Variants in UPP2 observed in about 807,000 individuals in gnomAD.
UPP2 encodes the protein uridine phosphorylase 2.
In UPP2, 23 loss-of-function variants were observed where a neutral mutation model predicts 26.7. The ratio of observed to expected loss-of-function variants is 0.86; its 90% CI spans 0.62 to 1.22. The LOEUF is 1.22. Among genes scored for constraint, UPP2 ranks in the 50% most tolerant of loss-of-function variants. The probability of loss-of-function intolerance (pLI) is 0.00; values close to 1 mark genes in which losing one functional copy is unlikely to be tolerated. For synonymous variants in UPP2, 127 were observed against 141.3 expected (o/e 0.90, Z 0.72); for missense variants, 387 against 396.7 (o/e 0.98, Z 0.21).
At chr2:158,060,945 G>T (rs1682342942) in intron 3 of UPP2, among the ~76,000 whole-genome samples, 1 of 152,186 alleles carries the variant, frequency 6.6e-6, no homozygotes, top group Admixed American at 6.5e-5. Flanking sequence ...TGGCATTTTA[G>T]TATGGCAGCC....
At chr2:158,090,626 G>T (rs958443008) in intron 3 of UPP2, among the ~76,000 whole-genome samples, 1 of 152,042 alleles carries the variant, frequency 6.6e-6, no homozygotes, top group African/African-American at 2.4e-5. Context: ...CTAATTTTTT[G>T]CAATATTATT....
At chr2:158,125,949 A>C (rs1422135900) in intron 6 of UPP2, among the ~76,000 whole-genome samples, 1 of 152,172 alleles carries the variant, frequency 6.6e-6, no homozygotes, top group Non-Finnish European at 1.5e-5. Flanking sequence ...AGTGTAACAT[A>C]ATTTGTTAAC....
chr2:158,068,559 G>A (rs1682474445), intron 3 of UPP2, among the ~76,000 whole-genome samples: 1 of 151,532 alleles, frequency 6.6e-6, no homozygotes, highest in Non-Finnish European at 1.5e-5. Context: ...AGAGACGGGG[G>A]CAGGGGCAGA....
chr2:158,125,417 A>G (rs1177802114), intron 6 of UPP2, among the ~76,000 whole-genome samples: 1 of 141,132 alleles, frequency 7.1e-6, no homozygotes, highest in African/African-American at 2.8e-5. Context: ...GCATTTTTGT[A>G]CTCTTTTTTT....
intron 4 of UPP2, among the ~76,000 whole-genome samples, chr2:158,120,886 GC>G (rs1683550991): frequency 6.6e-6 from 1 of 151,956 alleles, no homozygotes; most frequent in South Asian, 2.1e-4. Flanking sequence ...TCTTAAGTAA[GC>G]CCAAGTCCCT....
chr2:158,093,838 T>C, intron 3 of UPP2, among the ~76,000 whole-genome samples: 1 of 151,796 alleles, frequency 6.6e-6, no homozygotes. Context: ...CATGCAAACA[T>C]ATTATTACCA....
At chr2:158,036,075 C>T (rs1045064595) in intron 3 of UPP2, among the ~76,000 whole-genome samples, 1 of 152,230 alleles carries the variant, frequency 6.6e-6, no homozygotes, top group Non-Finnish European at 1.5e-5. Context: ...AGAACTCAAG[C>T]TCACAAGCTT....
intron 3 of UPP2, among the ~76,000 whole-genome samples, chr2:158,040,841 G>T (rs1447004599): frequency 2.0e-5 from 3 of 152,208 alleles, no homozygotes; most frequent in African/African-American, 7.2e-5. Flanking sequence ...AGGGACAGAA[G>T]ATCTGGGTTG....
At chr2:158,065,603 C>A in intron 3 of UPP2, 1 of 567,446 alleles carries the variant, frequency 1.8e-6, no homozygotes, top group South Asian at 1.5e-5. Context: ...ATGAGGATTT[C>A]TTACTACACA....
intron 2 of UPP2, among the ~76,000 whole-genome samples, chr2:158,003,823 A>G (rs1487391690): frequency 6.6e-6 from 1 of 152,186 alleles, no homozygotes. Context: ...AGAAGTAAAT[A>G]CAGATGTAAA....
chr2:158,090,319 G>A (rs1453665316), intron 3 of UPP2, among the ~76,000 whole-genome samples: 2 of 152,110 alleles, frequency 1.3e-5, no homozygotes, highest in Admixed American at 1.3e-4. Context: ...GGCTAACACG[G>A]TGAAACCCTG....
Position 158,114,726 on chromosome 2 carries a change from G to A in UPP2, c.181-375G>A, listed in dbSNP as rs1466351657. On this transcript the variant is annotated intron_variant, in intron 2 of 6. Transcript: ENST00000005756. ...CTCCTTTTGCTCTTACATCACTCAC[G>A]TGCCGTGGCCTCAGAACTTACATCC... Among the ~76,000 whole-genome samples, 5 of 152,170 alleles carry A rather than the reference G, an allele frequency of 3.3e-5. No individual in the cohort carries two copies. In the South Asian group the frequency reaches 6.2e-4, roughly 19 times the overall value.
chr2:158,127,116 C>T (rs989455319), intron 6 of UPP2, among the ~76,000 whole-genome samples: 5 of 152,190 alleles, frequency 3.3e-5, no homozygotes, highest in African/African-American at 4.8e-5. Flanking sequence ...CTTGGGTCCA[C>T]GTGGATTACC....
chr2:158,092,348 A>AT (rs1385166245), intron 3 of UPP2, among the ~76,000 whole-genome samples: 1 of 152,220 alleles, frequency 6.6e-6, no homozygotes, highest in African/African-American at 2.4e-5. Flanking sequence ...AGATGCAACC[A>AT]GAAAGAAGAG....
At chr2:158,069,943 G>A (rs891376783) in intron 3 of UPP2, among the ~76,000 whole-genome samples, 2 of 151,950 alleles carry the variant, frequency 1.3e-5, no homozygotes, top group African/African-American at 4.8e-5. Context: ...AACTCTCTGG[G>A]GTCCCTTTTA....
intron 2 of UPP2, among the ~76,000 whole-genome samples, chr2:158,004,209 GTGTTCTTTACTATA>G (rs1683451831): frequency 1.3e-5 from 2 of 152,008 alleles, no homozygotes; most frequent in South Asian, 4.2e-4. Context: ...AATCTTGCTA[GTGTTCTTTACTATA>G]TTACTTTTAT....
intron 6 of UPP2, among the ~76,000 whole-genome samples, chr2:158,124,944 T>C (rs1241193438): frequency 6.6e-6 from 1 of 152,114 alleles, no homozygotes; most frequent in African/African-American, 2.4e-5. Context: ...GACATAAAAT[T>C]CTAAGTTGAA....
chr2:158,088,749 T>A (rs749223914), intron 3 of UPP2, among the ~76,000 whole-genome samples: 1 of 152,180 alleles, frequency 6.6e-6, no homozygotes, highest in South Asian at 2.1e-4. Context: ...TTGTAATTTC[T>A]CTTCGGGATC....
At chr2:158,021,965 A>G (rs963694707) in intron 3 of UPP2, among the ~76,000 whole-genome samples, 75 of 152,170 alleles carry the variant, frequency 4.9e-4, no homozygotes, top group African/African-American at 1.8e-3. Context: ...ACATCATGGA[A>G]TCCATATACA....
Sources: allele counts gnomAD v4.1 joint callset (sites outside exome capture counted in the v4.1 genomes callset), GRCh38; gene constraint gnomAD v4.1.1; transcripts MANE v1.5; gene names NCBI Gene and HGNC (gene_info 2026-07-23, HGNC 2026-07-21).